Variants in COPB1 observed in about 807,000 individuals in gnomAD.
COPB1 encodes the protein coatomer subunit beta.
COPB1 carries 21 observed loss-of-function variants against 108.7 expected under a neutral mutation model. The observed-to-expected ratio is 0.19, with a 90% CI of 0.14 to 0.28. COPB1 has a LOEUF of 0.28. COPB1 is among the 10% of genes least tolerant of loss of function. The pLI, the probability that COPB1 is intolerant of heterozygous loss-of-function variation, is 1.00. For synonymous variants in COPB1, 378 were observed against 386.8 expected, an observed-to-expected ratio of 0.98 and a Z score of 0.27; for missense variants, 919 against 1,141.3, an observed-to-expected ratio of 0.81 and a Z score of 2.81.
intron 14 of COPB1, among the ~76,000 whole-genome samples, chr11:14,469,867 C>A (rs1254885813): frequency 2.0e-5 from 3 of 152,210 alleles, no homozygotes; most frequent in South Asian, 2.1e-4. Context: ...ATCCCAACTA[C>A]AGAAAAGTTA....
chr11:14,479,051 TAATATA>T (rs1025536310), intron 11 of COPB1: 4 of 151,128 alleles, frequency 2.6e-5, no homozygotes, highest in African/African-American at 9.7e-5. Flanking sequence ...CCATAAATAT[TAATATA>T]TTTTCATATC....
chr11:14,490,514 C>T (rs2597189), intron 5 of COPB1, 51 bp downstream of exon 5: 715,392 of 1,038,768 alleles, frequency 0.69, 248,234 homozygotes, highest in African/African-American at 0.84. Context: ...GTAATACTTT[C>T]AATTGTCACT....
intron 9 of COPB1, 36 bp from the exon 10 acceptor site, chr11:14,480,941 T>A: frequency 6.2e-7 from 1 of 1,613,338 alleles, no homozygotes; most frequent in Non-Finnish European, 8.5e-7. Flanking sequence ...GAGAGTTACA[T>A]CATATTTGGG....
At chr11:14,496,484 T>C (rs951366519) in intron 2 of COPB1, among the ~76,000 whole-genome samples, 17 of 152,024 alleles carry the variant, frequency 1.1e-4, no homozygotes, top group African/African-American at 3.1e-4. Context: ...TACCTAGGAA[T>C]TAATTTAACC....
intron 11 of COPB1, 21 bp from the exon 12 acceptor site, chr11:14,477,036 A>G: frequency 6.9e-7 from 1 of 1,454,714 alleles, no homozygotes; most frequent in Non-Finnish European, 9.6e-7. Flanking sequence ...ACAAGATCTG[A>G]AACATGAACT....
At chr11:14,480,691 C>A in intron 10 of COPB1, 68 bp downstream of exon 10, 1 of 1,475,266 alleles carries the variant, frequency 6.8e-7, no homozygotes, top group Non-Finnish European at 9.2e-7. Flanking sequence ...TGGAGTTTGT[C>A]AAATAACTAT....
At chr11:14,458,074 A>ATTTTTTTT (rs748562590) in intron 21 of COPB1, among the ~76,000 whole-genome samples, 191 bp from the exon 22 acceptor site, 7 of 100,726 alleles carry the variant, frequency 6.9e-5, no homozygotes, top group African/African-American at 1.6e-4. Flanking sequence ...CCGTCACCAG[A>ATTTTTTTT]TTTTTTTTTT....
At position 14,483,170 on chromosome 11, in the gene COPB1, A is replaced by G. The variant is rs768988656; in HGVS notation, c.838-19T>C. The G allele has an allele frequency of 6.6e-6, 10 of 1,513,620 alleles. No individual in the cohort carries two copies. The highest frequency in any genetic ancestry group is 2.0e-5 in the Admixed American group (1 of 49,540). The allele number at this position is 1,513,620 out of a possible 1,614,324, so 93.8% of individuals were successfully genotyped here. On this transcript the variant is annotated intron_variant, in intron 7 of 21. Coordinates refer to ENST00000439561, the MANE Select transcript of COPB1 (RefSeq NM_001144061.2). ...CAGCAGCCTATATAAAAAAAGAAAT[A>G]CATTTTAAGAAGTTATTCATCTATC... is the stretch of plus-strand genomic sequence containing the variant.
intron 5 of COPB1, 80 bp from the exon 6 acceptor site, chr11:14,488,664 T>A: frequency 1.3e-6 from 1 of 760,066 alleles, no homozygotes; most frequent in Admixed American, 2.8e-5. Context: ...AATACACACA[T>A]TACAACTCAA....
chr11:14,467,230 C>T (rs1850302975), intron 16 of COPB1, among the ~76,000 whole-genome samples: 1 of 151,954 alleles, frequency 6.6e-6, no homozygotes, highest in African/African-American at 2.4e-5. Context: ...AGGCACAGGA[C>T]TTGAACAAAC....
Position 14,458,596 on chromosome 11 carries a change from T to G in COPB1, c.2738A>C (p.Lys913Thr), listed in dbSNP as rs1297181505. 6.2e-7 allele frequency: 1 copy of G among 1,613,822 alleles called. No homozygotes were observed. Among genetic ancestry groups the G allele is most frequent in the Non-Finnish European group, 8.5e-7 (1 of 1,179,950 alleles). Residue 913 changes from lysine to threonine, a missense_variant, in exon 21 of 22, where the codon AAG becomes ACG. Lys to Thr is a moderately conservative substitution (Grantham distance 78, BLOSUM62 -1). Transcript: ENST00000439561. ...EDALANVSIE[K>T]PIHQGPDAAV... ...AGCATCTGGTCCCTGGTGAATTGGC[T>G]TCTCAATGCTGACATTTGCAAGTGC...
At chr11:14,483,317 TAC>T (rs1168891434) in intron 7 of COPB1, among the ~76,000 whole-genome samples, 166 bp from the exon 8 acceptor site, 4 of 152,044 alleles carry the variant, frequency 2.6e-5, no homozygotes, top group Non-Finnish European at 5.9e-5. Context: ...TTATATATTA[TAC>T]ATTTTGTTCT....
chr11:14,481,069 A>C lies in COPB1; in HGVS notation c.986T>G (p.Leu329Trp), dbSNP rs1435165372. Residue 329 changes from leucine (L) to tryptophan (W), a missense_variant, in exon 9 of 22, where the codon TTG becomes TGG. By Grantham distance (61) the Leu-to-Trp change is moderately conservative. Coordinates refer to ENST00000439561, the MANE Select transcript of COPB1 (RefSeq NM_001144061.2). ...QDLVMDILRV[L>W]STPDLEVRKK... ...TCGTACTTCTAAGTCTGGTGTGCTC[A>C]ATACTCTTAGGATATCCATAACCAG... 1.2e-6 allele frequency: 2 copies of C among 1,613,364 alleles called. No individual in the cohort carries two copies. Among genetic ancestry groups the C allele is most frequent in the Non-Finnish European group, 1.7e-6 (2 of 1,179,832 alleles).
At chr11:14,463,290 A>G (rs1230234127) in intron 18 of COPB1, among the ~76,000 whole-genome samples, 1 of 152,052 alleles carries the variant, frequency 6.6e-6, no homozygotes, top group Non-Finnish European at 1.5e-5. Flanking sequence ...ATGGCTTTTA[A>G]ACAAATACTT....
At position 14,462,174 on chromosome 11, in the gene COPB1, CAGTAGAG is replaced by C. The variant is rs566532267; in HGVS notation, c.2411-850_2411-844del. 8.0e-4 allele frequency among the ~76,000 whole-genome samples: 121 copies of C among 151,080 alleles called. 4 individuals are homozygous for C. Among genetic ancestry groups the C allele is most frequent in the Admixed American group, 7.9e-3 (120 of 15,152 alleles). ...TTTGCTTCTATGACCATTTCTTCCA[CAGTAGAG>C]AGTTATAATCTGATTGGAGCCTACA... On this transcript the variant is annotated intron_variant, in intron 18 of 21. Transcript: ENST00000439561.
chr11:14,494,618 C>T, intron 2 of COPB1, 179 bp from the exon 3 acceptor site: 1 of 535,326 alleles, frequency 1.9e-6, no homozygotes, highest in South Asian at 2.6e-5. Flanking sequence ...AATAATCTGT[C>T]TTTGCTCAAG....
rs762346956 is a variant in COPB1 at position 14,488,573 on chromosome 11, C to T, written c.618G>A (p.Leu206=). The change falls in exon 6 of 22, where the codon TTG becomes TTA. Residue 206 remains leucine (L), a synonymous_variant. Coordinates refer to ENST00000439561, the MANE Select transcript of COPB1 (RefSeq NM_001144061.2). ...GATCAATGCAAGTACTTAAGTAATCCAAAGCTCGATCCTAAAAAAAATAAG... is the reference window on the plus strand; with the variant it reads ...GATCAATGCAAGTACTTAAGTAATCTAAAGCTCGATCCTAAAAAAAATAAG... ...MLIHADQDRA[L]DYLSTCIDQV... is the part of the protein sequence containing the mutation. 2 of 1,600,538 alleles carry T rather than the reference C, an allele frequency of 1.2e-6. No homozygotes were observed. Among genetic ancestry groups the T allele is most frequent in the Admixed American group, 1.7e-5 (1 of 59,376 alleles).
intron 18 of COPB1, among the ~76,000 whole-genome samples, chr11:14,463,966 C>A (rs935314645): frequency 9.2e-5 from 14 of 152,182 alleles, no homozygotes; most frequent in Non-Finnish European, 1.6e-4. Flanking sequence ...TCCAATCAAC[C>A]TTCTATAGTA....
At chr11:14,466,075 G>A (rs1314672679) in intron 17 of COPB1, among the ~76,000 whole-genome samples, 1 of 152,184 alleles carries the variant, frequency 6.6e-6, no homozygotes, top group Admixed American at 6.5e-5. Flanking sequence ...CCACCTGAAT[G>A]TGCCAAGAGC....
Sources: allele counts gnomAD v4.1 joint callset (sites outside exome capture counted in the v4.1 genomes callset), GRCh38; gene constraint gnomAD v4.1.1; transcripts MANE v1.5; gene names NCBI Gene and HGNC (gene_info 2026-07-23, HGNC 2026-07-21).